Variants in DHRS7B observed in about 807,000 individuals in gnomAD.
The protein encoded by DHRS7B is peroxisomal reductase activating PPAR-gamma.
A neutral mutation model predicts 26.4 loss-of-function variants in DHRS7B; 24 were observed. The observed-to-expected ratio is 0.91, with a 90% confidence interval of 0.66 to 1.28. The LOEUF (loss-of-function observed/expected upper bound fraction) is 1.28, where lower values mean the gene tolerates loss of function less well. Among genes scored for constraint, DHRS7B ranks in the 50% most tolerant of loss-of-function variants. The probability of loss-of-function intolerance (pLI) is 0.00; values close to 1 mark genes in which losing one functional copy is unlikely to be tolerated. For synonymous variants in DHRS7B, 142 were observed against 166.4 expected (o/e 0.85, Z 1.13); for missense variants, 368 against 419.4 (o/e 0.88, Z 1.07).
intron 1 of DHRS7B, among the ~76,000 whole-genome samples, chr17:21,147,666 A>G (rs1422695052): frequency 6.6e-6 from 1 of 152,148 alleles, no homozygotes; most frequent in African/African-American, 2.4e-5. Flanking sequence ...AACAACCAAC[A>G]TCCCTATCAT....
intron 1 of DHRS7B, among the ~76,000 whole-genome samples, chr17:21,142,699 C>T (rs1384032490): frequency 1.3e-5 from 2 of 151,998 alleles, no homozygotes; most frequent in Non-Finnish European, 2.9e-5. Flanking sequence ...TCCCCCGCCC[C>T]GCCGTTACCC....
chr17:21,191,039 C>T lies in DHRS7B; in HGVS notation c.864C>T (p.Ile288=), dbSNP rs748074034. The T allele has an allele frequency of 1.2e-6, 2 of 1,614,260 alleles. No individual in the cohort carries two copies. Among genetic ancestry groups the T allele is most frequent in the South Asian group, 2.2e-5 (2 of 91,088 alleles). ...TGGGGAAGAAGAAGAAAGATGTGAT[C>T]CTGGCTGACTTACTGCCTTCCTTGG... ...AAVGKKKKDV[I]LADLLPSLAV... Residue 288 remains isoleucine, a synonymous_variant, in exon 7 of 7, where the codon ATC becomes ATT. Coordinates refer to ENST00000395511, the MANE Select transcript of DHRS7B (RefSeq NM_015510.5).
At chr17:21,151,507 T>C (rs1050316546) in intron 1 of DHRS7B, among the ~76,000 whole-genome samples, 16 of 95,928 alleles carry the variant, frequency 1.7e-4, no homozygotes, top group Middle Eastern at 4.4e-3. Flanking sequence ...TGTGAGACTC[T>C]GTCTCAAAAA....
rs556272506 is a variant in DHRS7B, at chr17:21,182,137, T to C, written c.310-1457T>C. ...CCTAGTTTATTGAGTATGTTTACCA[T>C]GAAAGGGTGTTAGATTTTGTGAGAT... On this transcript the variant is annotated intron_variant, in intron 3 of 6. Transcript: ENST00000395511. Among the ~76,000 whole-genome samples the C allele has an allele frequency of 1.1e-4, 16 of 152,368 alleles. No individual in the cohort carries two copies. In the South Asian group the frequency reaches 3.1e-3, roughly 30 times the overall value.
At position 21,188,051 on chromosome 17, in the gene DHRS7B, C is replaced by T. The variant is rs145346283; in HGVS notation, c.620-660C>T. 1.9e-3 allele frequency among the ~76,000 whole-genome samples: 283 copies of T among 152,088 alleles called. 2 individuals are homozygous for T. Among genetic ancestry groups the T allele is most frequent in the African/African-American group, 6.6e-3 (275 of 41,492 alleles). On this transcript the variant is annotated intron_variant, in intron 5 of 6. Transcript: ENST00000395511. The stretch of plus-strand genomic sequence containing the variant: ...ATATTTAGTAGAGACGGGGTTTCAT[C>T]GTGTTAGCTAGGATGGTCTCGATCT...
chr17:21,153,239 A>G (rs868640741), intron 1 of DHRS7B, among the ~76,000 whole-genome samples: 2 of 152,348 alleles, frequency 1.3e-5, no homozygotes, highest in Middle Eastern at 3.4e-3. Context: ...ATCAAAAGTG[A>G]TACAACAGAA....
intron 1 of DHRS7B, among the ~76,000 whole-genome samples, chr17:21,149,781 A>T (rs1567619592): frequency 6.6e-6 from 1 of 152,192 alleles, no homozygotes; most frequent in Non-Finnish European, 1.5e-5. Flanking sequence ...TAATAGGTTT[A>T]CTAAAAATAT....
At chr17:21,162,257 G>T (rs1431172429) in intron 1 of DHRS7B, among the ~76,000 whole-genome samples, 8 of 152,148 alleles carry the variant, frequency 5.3e-5, no homozygotes, top group African/African-American at 1.9e-4. Flanking sequence ...TCTGGGATGT[G>T]ATTTGTTTGC....
intron 1 of DHRS7B, among the ~76,000 whole-genome samples, chr17:21,153,659 ACTGT>A (rs1973819395): frequency 6.6e-6 from 1 of 152,152 alleles, no homozygotes; most frequent in African/African-American, 2.4e-5. Context: ...TGGCAGGTTC[ACTGT>A]CTGGTGAGGG....
chr17:21,183,640 C>A lies in DHRS7B; in HGVS notation c.356C>A (p.Ser119Tyr). The A allele has an allele frequency of 1.2e-6, 2 of 1,613,978 alleles. No homozygotes were observed. The highest frequency in any genetic ancestry group is 1.7e-6 in the Non-Finnish European group (2 of 1,180,034). ...PYLVTFDLTD[S>Y]GAIVAAAAEI... ...TTGGTGACCTTCGACCTCACAGACT[C>A]TGGGGCCATAGTTGCAGCAGCAGCT... Residue 119 changes from serine to tyrosine, a missense_variant, in exon 4 of 7, where the codon TCT becomes TAT. Ser to Tyr is a moderately radical substitution (Grantham distance 144). Transcript: ENST00000395511.
intron 1 of DHRS7B, among the ~76,000 whole-genome samples, chr17:21,130,163 T>A (rs937002849): frequency 3.3e-5 from 5 of 152,140 alleles, no homozygotes; most frequent in Non-Finnish European, 7.3e-5. Flanking sequence ...TTTGGGAGGC[T>A]GAGGAGGGCA....
intron 1 of DHRS7B, among the ~76,000 whole-genome samples, chr17:21,152,731 G>T (rs1287353848): frequency 6.6e-6 from 1 of 152,124 alleles, no homozygotes; most frequent in Non-Finnish European, 1.5e-5. Context: ...ACTTACTTTG[G>T]GGAAGGGTAA....
intron 1 of DHRS7B, among the ~76,000 whole-genome samples, chr17:21,131,421 T>C (rs1439777945): frequency 6.6e-6 from 1 of 152,242 alleles, no homozygotes; most frequent in Non-Finnish European, 1.5e-5. Context: ...ATGGTGCTGG[T>C]AGGAGTGTCT....
intron 1 of DHRS7B, among the ~76,000 whole-genome samples, chr17:21,157,685 C>A (rs901901503): frequency 1.3e-5 from 2 of 152,080 alleles, no homozygotes; most frequent in Non-Finnish European, 2.9e-5. Context: ...GAAAGTGAGA[C>A]CCTGTCTCAA....
intron 1 of DHRS7B, among the ~76,000 whole-genome samples, chr17:21,138,101 T>TATATATATACACACACAC (rs1555536219): frequency 4.6e-5 from 4 of 86,144 alleles, no homozygotes; most frequent in South Asian, 4.8e-4. Context: ...TATATATATA[T>TATATATATACACACACAC]ACACACACAC....
At chr17:21,155,802 T>G (rs1283628569) in intron 1 of DHRS7B, among the ~76,000 whole-genome samples, 1 of 152,134 alleles carries the variant, frequency 6.6e-6, no homozygotes, top group Non-Finnish European at 1.5e-5. Context: ...TAGAAATCAG[T>G]AACAGAAAGA....
At chr17:21,186,890 A>G (rs1974646801) in intron 5 of DHRS7B, among the ~76,000 whole-genome samples, 1 of 152,136 alleles carries the variant, frequency 6.6e-6, no homozygotes, top group African/African-American at 2.4e-5. Context: ...AGACATAAGA[A>G]GGCAGGTTTG....
At chr17:21,135,156 A>G (rs1291880505) in intron 1 of DHRS7B, among the ~76,000 whole-genome samples, 1 of 152,194 alleles carries the variant, frequency 6.6e-6, no homozygotes, top group African/African-American at 2.4e-5. Context: ...ACACACAATA[A>G]TTTTATGATT....
chr17:21,144,191 C>T (rs1973590218), intron 1 of DHRS7B, among the ~76,000 whole-genome samples: 1 of 152,164 alleles, frequency 6.6e-6, no homozygotes, highest in Non-Finnish European at 1.5e-5. Context: ...CAGCAGACTC[C>T]ATTCAACATG....
Sources: gnomAD v4.1 joint callset for allele counts (sites outside exome capture counted in the v4.1 genomes callset) on GRCh38, gnomAD v4.1.1 for gene constraint, MANE v1.5 for transcripts, NCBI Gene and HGNC (gene_info 2026-07-23, HGNC 2026-07-21) for gene names.